The following GRID2 variants were observed in gnomAD, a reference collection of about 807,000 sequenced individuals.
GRID2 encodes the protein glutamate receptor ionotropic, delta-2.
A neutral mutation model predicts 114.8 loss-of-function variants in GRID2; 33 were observed. The ratio of observed to expected loss-of-function variants is 0.29; its 90% confidence interval spans 0.22 to 0.38. GRID2 has a LOEUF of 0.38. Ranked by LOEUF, GRID2 falls within the 10% of genes least tolerant of loss-of-function variation. The pLI is 1.00. For synonymous variants in GRID2, 505 were observed against 449.9 expected (o/e 1.12, Z -1.55); for missense variants, 1,184 against 1,257.7 (o/e 0.94, Z 0.89).
At chr4:93,576,653 T>C (rs1370348209) in intron 13 of GRID2, among the ~76,000 whole-genome samples, 1 of 152,330 alleles carries the variant, frequency 6.6e-6, no homozygotes, top group East Asian at 1.9e-4. Flanking sequence ...TGCCCATATG[T>C]AGTTCACAAC....
intron 2 of GRID2, among the ~76,000 whole-genome samples, chr4:92,922,157 TATA>T (rs1290920493): frequency 2.0e-5 from 3 of 152,162 alleles, no homozygotes; most frequent in African/African-American, 4.8e-5. Flanking sequence ...AGGTGCGGGA[TATA>T]ATCTCGTGGT....
intron 1 of GRID2, among the ~76,000 whole-genome samples, chr4:92,437,918 A>G (rs1038852835): frequency 2.0e-5 from 3 of 152,304 alleles, no homozygotes; most frequent in East Asian, 1.9e-4. Context: ...TCAGATCCAT[A>G]CAGTCTTTCT....
At chr4:92,781,176 G>T (rs1739055407) in intron 2 of GRID2, among the ~76,000 whole-genome samples, 1 of 151,992 alleles carries the variant, frequency 6.6e-6, no homozygotes, top group Non-Finnish European at 1.5e-5. Flanking sequence ...AACCTGGGAG[G>T]CAGAGGTTTC....
At position 92,886,679 on chromosome 4, in the gene GRID2, G is replaced by A. The variant is rs117147512; in HGVS notation, c.245-198316G>A. 5.7e-4 allele frequency among the ~76,000 whole-genome samples: 86 copies of A among 152,042 alleles called. 1 individual carries two copies. The East Asian group carries it at 0.015, about 26-fold the overall frequency. ...CTCGCTCTTTCGCCCAGGCTGGAGC[G>A]CAGCGGAGCGATTTAGGCTCACTGC... is the stretch of plus-strand genomic sequence containing the variant. On this transcript the variant is annotated intron_variant, in intron 2 of 15. Coordinates refer to ENST00000282020, the MANE Select transcript of GRID2 (RefSeq NM_001510.4).
chr4:92,577,978 G>T (rs2149199298), intron 1 of GRID2, among the ~76,000 whole-genome samples: 1 of 151,966 alleles, frequency 6.6e-6, no homozygotes, highest in Non-Finnish European at 1.5e-5. Flanking sequence ...TAAATTAAAT[G>T]GTGTTTTTTC....
intron 2 of GRID2, among the ~76,000 whole-genome samples, chr4:92,797,525 T>C (rs1739945437): frequency 6.6e-6 from 1 of 152,032 alleles, no homozygotes. Context: ...GTTTTGCATA[T>C]ATTTTTAAGT....
At chr4:92,982,790 G>T (rs181259280) in intron 2 of GRID2, among the ~76,000 whole-genome samples, 1 of 152,186 alleles carries the variant, frequency 6.6e-6, no homozygotes, top group African/African-American at 2.4e-5. Flanking sequence ...TAGATGTTAA[G>T]CAGAGCCATG....
rs1466304766 is a variant in GRID2, at chr4:93,644,534, A to G, written c.2360+18099A>G. Among the ~76,000 whole-genome samples the G allele has an allele frequency of 2.6e-5, 4 of 152,224 alleles. No homozygotes were observed. The South Asian group carries it at 6.2e-4, about 24-fold the overall frequency. On this transcript the variant is annotated intron_variant, in intron 14 of 15. Transcript: ENST00000282020. Reference sequence around the variant, plus strand: ...TTTCTCAATTTTCTGTGTATTTTCCATTAATGAACCAAGATCCCTTTAGTA... The same window carrying G: ...TTTCTCAATTTTCTGTGTATTTTCCGTTAATGAACCAAGATCCCTTTAGTA...
chr4:92,943,534 T>G (rs1001556018), intron 2 of GRID2, among the ~76,000 whole-genome samples: 2 of 152,158 alleles, frequency 1.3e-5, no homozygotes, highest in Admixed American at 6.5e-5. Context: ...ACTTCCTCCT[T>G]TAGCTCGGAG....
chr4:92,660,489 CT>C (rs1319779854), intron 2 of GRID2, among the ~76,000 whole-genome samples: 2 of 151,216 alleles, frequency 1.3e-5, no homozygotes, highest in African/African-American at 4.8e-5. Flanking sequence ...ATGAACACAG[CT>C]TTTCCATGTT....
Position 93,271,062 on chromosome 4 carries a change from G to A in GRID2, c.1245+32572G>A, listed in dbSNP as rs76038052. Reference sequence around the variant, plus strand: ...AGGAAAGATTGAGGCTACATTATATGATTTGAACTCGCAGTGTTTATGTGG... The same window carrying A: ...AGGAAAGATTGAGGCTACATTATATAATTTGAACTCGCAGTGTTTATGTGG... On this transcript the variant is annotated intron_variant, in intron 8 of 15. Coordinates refer to ENST00000282020, the MANE Select transcript of GRID2 (RefSeq NM_001510.4). Among the ~76,000 whole-genome samples the A allele has an allele frequency of 2.0e-3, 299 of 152,260 alleles. 4 individuals carry two copies. In the East Asian group the frequency reaches 0.047, roughly 24 times the overall value.
At chr4:93,256,458 C>CA in intron 8 of GRID2, among the ~76,000 whole-genome samples, 1 of 150,982 alleles carries the variant, frequency 6.6e-6, no homozygotes, top group Non-Finnish European at 1.5e-5. Flanking sequence ...TGTAGTCACA[C>CA]AAAAATATGA....
chr4:93,464,784 A>G (rs1048646766), intron 11 of GRID2, among the ~76,000 whole-genome samples: 1 of 152,120 alleles, frequency 6.6e-6, no homozygotes, highest in Non-Finnish European at 1.5e-5. Context: ...ACTGTGCCCA[A>G]AATTTATAGA....
At chr4:93,291,735 G>A (rs2149146949) in intron 8 of GRID2, among the ~76,000 whole-genome samples, 1 of 152,046 alleles carries the variant, frequency 6.6e-6, no homozygotes, top group South Asian at 2.1e-4. Flanking sequence ...CCTCAAGATG[G>A]CCTTTGTAAA....
intron 2 of GRID2, among the ~76,000 whole-genome samples, chr4:92,650,587 G>A (rs1214840277): frequency 4.6e-5 from 7 of 151,744 alleles, no homozygotes; most frequent in African/African-American, 7.3e-5. Flanking sequence ...TCAGATACAT[G>A]AGAAGTACAA....
chr4:92,774,330 G>C (rs1578173939), intron 2 of GRID2, among the ~76,000 whole-genome samples: 2 of 152,230 alleles, frequency 1.3e-5, no homozygotes, highest in Non-Finnish European at 2.9e-5. Flanking sequence ...GAGACTGGTA[G>C]TTCTAAATTA....
At position 92,325,994 on chromosome 4, in the gene GRID2, T is replaced by C. The variant is rs543797359; in HGVS notation, c.88+21250T>C. On this transcript the variant is annotated intron_variant, in intron 1 of 15. Coordinates refer to ENST00000282020, the MANE Select transcript of GRID2 (RefSeq NM_001510.4). Reference sequence around the variant, plus strand: ...ACTGAAAAGTTTGTTTTCTCCCATGTTTATGTAAGATAATTCTACACATGA... The same window carrying C: ...ACTGAAAAGTTTGTTTTCTCCCATGCTTATGTAAGATAATTCTACACATGA... Among the ~76,000 whole-genome samples the C allele has an allele frequency of 2.6e-5, 4 of 151,972 alleles. No homozygotes were observed. The South Asian group carries it at 8.3e-4, about 32-fold the overall frequency.
chr4:92,440,642 G>T (rs1733000118), intron 1 of GRID2, among the ~76,000 whole-genome samples: 1 of 152,096 alleles, frequency 6.6e-6, no homozygotes. Context: ...GTTCTGAGAG[G>T]CGGGCTAGTG....
intron 1 of GRID2, among the ~76,000 whole-genome samples, chr4:92,586,811 A>G (rs1461450380): frequency 6.6e-6 from 1 of 152,032 alleles, no homozygotes; most frequent in African/African-American, 2.4e-5. Flanking sequence ...AAACTCATAA[A>G]CATTAATATT....
Sources: gnomAD v4.1 joint callset for allele counts (sites outside exome capture counted in the v4.1 genomes callset) on GRCh38, gnomAD v4.1.1 for gene constraint, MANE v1.5 for transcripts, NCBI Gene and HGNC (gene_info 2026-07-23, HGNC 2026-07-21) for gene names.